The following KIRREL3 variants were observed in gnomAD, a reference collection of about 807,000 sequenced individuals.
The protein encoded by KIRREL3 is kin of IRRE-like protein 3.
KIRREL3 carries 36 observed loss-of-function variants against 89.7 expected under a neutral mutation model. That is an observed-to-expected ratio of 0.40 (90% CI 0.31 to 0.53). The LOEUF is 0.53. Ranked by LOEUF, KIRREL3 falls within the 20% of genes least tolerant of loss-of-function variation. The pLI is 0.49. For missense variants in KIRREL3, 864 were observed against 1,056.6 expected, an observed-to-expected ratio of 0.82 and a Z score of 2.53; for synonymous variants, 445 against 441.4, an observed-to-expected ratio of 1.01 and a Z score of -0.10.
rs985283569 is a variant in KIRREL3, at chr11:126,623,866, C to T, written c.56-60954G>A. Among the ~76,000 whole-genome samples, 1 of 152,220 alleles carries T rather than the reference C, an allele frequency of 6.6e-6. No individual in the cohort carries two copies. The highest frequency in any genetic ancestry group is 1.5e-5 in the Non-Finnish European group (1 of 68,048). On this transcript the variant is annotated intron_variant, in intron 1 of 16. Transcript: ENST00000525144. The surrounding 1 kb of genome is among the most constrained non-coding windows in gnomAD (Gnocchi z 4.1). Reference sequence around the variant, plus strand: ...GTTGAACCTGGCAATAAACGTTATGCCTCTCCCCAACCCCAGTCCAGAAGG... The same window carrying T: ...GTTGAACCTGGCAATAAACGTTATGTCTCTCCCCAACCCCAGTCCAGAAGG...
rs138130651 is a variant in KIRREL3 at position 126,904,937 on chromosome 11, GGAT to G, written c.55+95515_55+95517del. Reference sequence around the variant, plus strand: ...ATAAATAACTGACTATCCATGATGGGGATGATGATGATGATGATGATGATGATA... The same window carrying G: ...ATAAATAACTGACTATCCATGATGGGGATGATGATGATGATGATGATGATA... On this transcript the variant is annotated intron_variant, in intron 1 of 16. Coordinates refer to ENST00000525144, the MANE Select transcript of KIRREL3 (RefSeq NM_032531.4). The surrounding 1 kb of genome is among the most constrained non-coding windows in gnomAD (Gnocchi z 4.4). Among the ~76,000 whole-genome samples the G allele has an allele frequency of 0.11, 16,154 of 151,188 alleles. 1,267 individuals are homozygous for G. Among genetic ancestry groups the G allele is most frequent in the East Asian group, 0.29 (1,495 of 5,116 alleles).
intron 1 of KIRREL3, among the ~76,000 whole-genome samples, chr11:126,901,570 G>A (rs1946372737): frequency 6.6e-6 from 1 of 152,156 alleles, no homozygotes; most frequent in African/African-American, 2.4e-5. Flanking sequence ...GTGATGGCTT[G>A]GGACTATGGT....
chr11:126,860,106 G>A lies in KIRREL3; in HGVS notation c.55+140349C>T, dbSNP rs1354364713. Among the ~76,000 whole-genome samples, 3 of 152,310 alleles carry A rather than the reference G, an allele frequency of 2.0e-5. No individual in the cohort carries two copies. Among genetic ancestry groups the A allele is most frequent in the African/African-American group, 2.4e-5 (1 of 41,554 alleles). On this transcript the variant is annotated intron_variant, in intron 1 of 16. Coordinates refer to ENST00000525144, the MANE Select transcript of KIRREL3 (RefSeq NM_032531.4). The surrounding 1 kb of genome is among the most constrained non-coding windows in gnomAD (Gnocchi z 4.6). ...ATTAAGTAGCAGGAATTCAGGAAGG[G>A]AGTAAGGAGGATAAGGAGAGAAAGA...
At chr11:126,582,068 C>T (rs1223558218) in intron 1 of KIRREL3, among the ~76,000 whole-genome samples, 1 of 152,194 alleles carries the variant, frequency 6.6e-6, no homozygotes, top group East Asian at 1.9e-4. Context: ...AACCTAGATC[C>T]TCCCACCCCA....
At chr11:126,823,071 C>G (rs10790838) in intron 1 of KIRREL3, among the ~76,000 whole-genome samples, 131,394 of 152,148 alleles carry the variant, frequency 0.86, 57,088 homozygotes, top group East Asian at 1. Context: ...GGAGAGAACT[C>G]AGGGAGTGAG....
intron 1 of KIRREL3, among the ~76,000 whole-genome samples, chr11:126,865,938 C>T (rs1234640120): frequency 6.6e-6 from 1 of 152,044 alleles, no homozygotes; most frequent in Non-Finnish European, 1.5e-5. Flanking sequence ...TTCCGGCTGC[C>T]TCCTCTGCGC....
rs527363720 is a variant in KIRREL3, at chr11:126,531,397, C to T, written c.134-4710G>A. Among the ~76,000 whole-genome samples, 6 of 152,344 alleles carry T rather than the reference C, an allele frequency of 3.9e-5. No individual in the cohort carries two copies. The highest frequency in any genetic ancestry group is 2.1e-4 in the South Asian group (1 of 4,830). ...ACCTCTCATGGCTCTCCACTCTCTG[C>T]GGGACAACGCCCAACTTCCCATGCT... On this transcript the variant is annotated intron_variant, in intron 2 of 16. Transcript: ENST00000525144. This position sits in a 1 kb window ranked among gnomAD's most constrained non-coding sequence, Gnocchi z 4.7.
intron 1 of KIRREL3, among the ~76,000 whole-genome samples, chr11:126,823,566 A>T (rs1943297720): frequency 6.6e-6 from 1 of 152,176 alleles, no homozygotes; most frequent in Non-Finnish European, 1.5e-5. Flanking sequence ...ATTTAACTCC[A>T]GAGCCTGGAT....
Position 126,459,613 on chromosome 11 carries a change from G to A in KIRREL3, c.743-3159C>T, listed in dbSNP as rs1403673283. ...TGATTTTAATCTCACTTGTGATGTC[G>A]GCAGCATAACTTGCAGGAGGGCAGC... On this transcript the variant is annotated intron_variant, in intron 6 of 16. Coordinates refer to ENST00000525144, the MANE Select transcript of KIRREL3 (RefSeq NM_032531.4). The surrounding 1 kb of genome is among the most constrained non-coding windows in gnomAD (Gnocchi z 4.8). Among the ~76,000 whole-genome samples the A allele has an allele frequency of 6.6e-6, 1 of 152,110 alleles. No individual in the cohort carries two copies. Among genetic ancestry groups the A allele is most frequent in the African/African-American group, 2.4e-5 (1 of 41,392 alleles).
intron 1 of KIRREL3, among the ~76,000 whole-genome samples, chr11:126,911,665 G>A (rs73569683): frequency 0.072 from 10,947 of 152,212 alleles, 482 homozygotes; most frequent in Middle Eastern, 0.12. Flanking sequence ...CCTCTTCTGG[G>A]CCCCAGCAGA....
chr11:126,676,899 C>T lies in KIRREL3; in HGVS notation c.56-113987G>A, dbSNP rs540321094. On this transcript the variant is annotated intron_variant, in intron 1 of 16. Transcript: ENST00000525144. This position sits in a 1 kb window ranked among gnomAD's most constrained non-coding sequence, Gnocchi z 4.5. ...TCCCAGGCTCAAGCGGTCGTCCTGC[C>T]TAAACCTCCCGAGTAGCTGGGACTA... Among the ~76,000 whole-genome samples the T allele has an allele frequency of 2.0e-5, 3 of 152,154 alleles. No homozygotes were observed. The East Asian group carries it at 5.8e-4, about 29-fold the overall frequency.
rs1260497591 is a variant in KIRREL3 at position 126,969,404 on chromosome 11, C to G, written c.55+31051G>C. On this transcript the variant is annotated intron_variant, in intron 1 of 16. Transcript: ENST00000525144. This position sits in a 1 kb window ranked among gnomAD's most constrained non-coding sequence, Gnocchi z 4.9. ...TGAAGGTGGAGGTAAGTTTGGGGTGCTATGGGAACTCAGAGGAGGGAAAAA... is the reference window on the plus strand; with the variant it reads ...TGAAGGTGGAGGTAAGTTTGGGGTGGTATGGGAACTCAGAGGAGGGAAAAA... Among the ~76,000 whole-genome samples the G allele has an allele frequency of 6.6e-6, 1 of 151,958 alleles. No homozygotes were observed. The highest frequency in any genetic ancestry group is 2.4e-5 in the African/African-American group (1 of 41,328).
chr11:126,996,827 T>C lies in KIRREL3; in HGVS notation c.55+3628A>G, dbSNP rs527387963. ...ACTTTTACCCCAATACAGTACAGTG[T>C]GCATGCAAAGCCAAAAGATCTGGGT... is the stretch of plus-strand genomic sequence containing the variant. On this transcript the variant is annotated intron_variant, in intron 1 of 16. Transcript: ENST00000525144. The surrounding 1 kb of genome is among the most constrained non-coding windows in gnomAD (Gnocchi z 4.7). Among the ~76,000 whole-genome samples the C allele has an allele frequency of 1.3e-5, 2 of 152,314 alleles. No individual in the cohort carries two copies. Among genetic ancestry groups the C allele is most frequent in the East Asian group, 3.9e-4 (2 of 5,176 alleles).
chr11:126,563,188 A>T lies in KIRREL3; in HGVS notation c.56-276T>A, dbSNP rs2134589165. 6.6e-6 allele frequency among the ~76,000 whole-genome samples: 1 copy of T among 152,342 alleles called. No homozygotes were observed. The highest frequency in any genetic ancestry group is 1.9e-4 in the East Asian group (1 of 5,190). On this transcript the variant is annotated intron_variant, in intron 1 of 16. Transcript: ENST00000525144. This position sits in a 1 kb window ranked among gnomAD's most constrained non-coding sequence, Gnocchi z 6.8. ...GTTAGTGGCACTGGATGAAAGAGCTAGCAGGTGGTAAAGCCAGAGCTTTGA... is the reference window on the plus strand; with the variant it reads ...GTTAGTGGCACTGGATGAAAGAGCTTGCAGGTGGTAAAGCCAGAGCTTTGA...
chr11:126,498,345 A>T lies in KIRREL3; in HGVS notation c.433+22970T>A, dbSNP rs1957740620. On this transcript the variant is annotated intron_variant, in intron 4 of 16. Transcript: ENST00000525144. This position sits in a 1 kb window ranked among gnomAD's most constrained non-coding sequence, Gnocchi z 4.3. ...AATTTTAATCTAATTTGCTCATAAC[A>T]TTCCTCAGTAAACAGCAGCCTCTCT... is the stretch of plus-strand genomic sequence containing the variant. Among the ~76,000 whole-genome samples the T allele has an allele frequency of 1.3e-5, 2 of 152,120 alleles. No homozygotes were observed. The highest frequency in any genetic ancestry group is 4.8e-5 in the African/African-American group (2 of 41,408).
rs1192220123 is a variant in KIRREL3, at chr11:126,562,829, A to G, written c.133+6T>C. On this transcript the variant is annotated splice_donor_region_variant and intron_variant, in intron 2 of 16. Coordinates refer to ENST00000525144, the MANE Select transcript of KIRREL3 (RefSeq NM_032531.4). The surrounding 1 kb of genome is among the most constrained non-coding windows in gnomAD (Gnocchi z 4.7). ...CTCCCGAGACAATGGGGAGGTTCTC[A>G]CTGACCTTCATTCATTCTCCGAAAC... 3 of 1,612,722 alleles carry G rather than the reference A, an allele frequency of 1.9e-6. No individual in the cohort carries two copies. The South Asian group carries it at 3.3e-5, about 18-fold the overall frequency.
chr11:126,464,538 GAAGAAAAAGAAA>G (rs71048791), intron 5 of KIRREL3, among the ~76,000 whole-genome samples: 2 of 148,680 alleles, frequency 1.3e-5, no homozygotes, highest in African/African-American at 5.0e-5. Flanking sequence ...CTCAGAAGAA[GAAGAAAAAGAAA>G]AAGAAAAAGA....
rs1391299071 is a variant in KIRREL3, at chr11:126,985,609, G to T, written c.55+14846C>A. On this transcript the variant is annotated intron_variant, in intron 1 of 16. Coordinates refer to ENST00000525144, the MANE Select transcript of KIRREL3 (RefSeq NM_032531.4). This position sits in a 1 kb window ranked among gnomAD's most constrained non-coding sequence, Gnocchi z 5.3. Reference sequence around the variant, plus strand: ...GGAGACGGCCACTCCAGAGGGACAGGAGGCACGAGGGAGCAGAGCACATTC... The same window carrying T: ...GGAGACGGCCACTCCAGAGGGACAGTAGGCACGAGGGAGCAGAGCACATTC... Among the ~76,000 whole-genome samples, 1 of 152,100 alleles carries T rather than the reference G, an allele frequency of 6.6e-6. No homozygotes were observed. The highest frequency in any genetic ancestry group is 1.5e-5 in the Non-Finnish European group (1 of 68,022).
At chr11:126,922,131 C>G (rs1016212439) in intron 1 of KIRREL3, among the ~76,000 whole-genome samples, 3 of 139,870 alleles carry the variant, frequency 2.1e-5, no homozygotes, top group Admixed American at 1.4e-4. Context: ...GTCTATCTAT[C>G]TATCTATCTA....
Sources: allele counts gnomAD v4.1 joint callset (sites outside exome capture counted in the v4.1 genomes callset), GRCh38; gene constraint gnomAD v4.1.1; non-coding constraint Gnocchi (gnomAD v3.1); transcripts MANE v1.5; gene names NCBI Gene and HGNC (gene_info 2026-07-23, HGNC 2026-07-21).